DOCK4: variants seen among roughly 807,000 people sequenced by gnomAD.
DOCK4 encodes the protein dedicator of cytokinesis protein 4.
DOCK4 carries 97 observed loss-of-function variants against 268.1 expected under a neutral mutation model. That is an observed-to-expected ratio of 0.36 (90% CI 0.31 to 0.43). The LOEUF (loss-of-function observed/expected upper bound fraction) is 0.43. Among genes scored for constraint, DOCK4 ranks in the 20% least tolerant of loss-of-function variants. DOCK4 has a pLI of 1.00. For missense variants in DOCK4, 2,145 were observed against 2,455.7 expected (o/e 0.87, Z 2.67); for synonymous variants, 954 against 887.2 (o/e 1.08, Z -1.34).
At chr7:111,917,066 C>A (rs13239644) in intron 12 of DOCK4, among the ~76,000 whole-genome samples, 2 of 145,012 alleles carry the variant, frequency 1.4e-5, no homozygotes, top group South Asian at 4.4e-4. Flanking sequence ...TGGCTCACTG[C>A]AACCTCCGCC....
intron 36 of DOCK4, among the ~76,000 whole-genome samples, chr7:111,774,339 G>A (rs771744459): frequency 1.5e-4 from 23 of 151,998 alleles, no homozygotes; most frequent in Non-Finnish European, 3.4e-4. Context: ...ATGGTGGCAG[G>A]CACCTGTAAT....
At chr7:111,785,511 A>G (rs1799104203) in intron 32 of DOCK4, among the ~76,000 whole-genome samples, 1 of 152,190 alleles carries the variant, frequency 6.6e-6, no homozygotes, top group Admixed American at 6.5e-5. Flanking sequence ...AGTAAGAGCT[A>G]CATAATCCTC....
intron 8 of DOCK4, among the ~76,000 whole-genome samples, chr7:111,969,077 G>A (rs972761301): frequency 2.0e-5 from 2 of 98,478 alleles, no homozygotes; most frequent in Non-Finnish European, 3.9e-5. Context: ...GGGGGAGGGG[G>A]GAGGGATAGC....
chr7:111,872,678 C>CA, intron 17 of DOCK4, 114 bp from the exon 18 acceptor site: 1 of 788,034 alleles, frequency 1.3e-6, no homozygotes, highest in South Asian at 2.0e-5. Context: ...CTCTCCTAGC[C>CA]ACTCAAGTTG....
intron 1 of DOCK4, among the ~76,000 whole-genome samples, chr7:112,076,303 G>A (rs1808064203): frequency 6.6e-6 from 1 of 151,944 alleles, no homozygotes; most frequent in Non-Finnish European, 1.5e-5. Flanking sequence ...AATTGGGGGG[G>A]TTCTTAAAAT....
chr7:111,901,332 CAAAAAAAAAAAAAAAA>C (rs398047987), intron 14 of DOCK4, among the ~76,000 whole-genome samples: 2 of 75,242 alleles, frequency 2.7e-5, no homozygotes, highest in African/African-American at 9.7e-5. Context: ...GATTCTGTCT[CAAAAAAAAAAAAAAAA>C]AAAAAAAGCT....
At chr7:112,024,463 C>A (rs1802601096) in intron 1 of DOCK4, among the ~76,000 whole-genome samples, 2 of 152,158 alleles carry the variant, frequency 1.3e-5, no homozygotes, top group South Asian at 4.2e-4. Context: ...CCAATGCATT[C>A]CCGGCTGCTC....
intron 30 of DOCK4, among the ~76,000 whole-genome samples, chr7:111,799,631 A>C (rs1437851507): frequency 6.6e-6 from 1 of 152,238 alleles, no homozygotes; most frequent in Non-Finnish European, 1.5e-5. Context: ...GTGAAGAAAC[A>C]GAAAATCTTA....
At chr7:112,019,144 T>A (rs1802104242) in intron 1 of DOCK4, among the ~76,000 whole-genome samples, 1 of 152,228 alleles carries the variant, frequency 6.6e-6, no homozygotes, top group Non-Finnish European at 1.5e-5. Context: ...TATTTCATTT[T>A]TTGGAAGACA....
chr7:111,835,203 C>T (rs1269534032), intron 25 of DOCK4, among the ~76,000 whole-genome samples: 2 of 152,162 alleles, frequency 1.3e-5, no homozygotes, highest in Non-Finnish European at 2.9e-5. Flanking sequence ...CTCCAAAGCC[C>T]TTCCTGTAGC....
At chr7:111,981,888 A>G (rs576730894) in intron 7 of DOCK4, among the ~76,000 whole-genome samples, 2 of 152,340 alleles carry the variant, frequency 1.3e-5, no homozygotes, top group African/African-American at 4.8e-5. Flanking sequence ...ATGCTGAAAG[A>G]GGTGAAATCA....
chr7:112,087,845 T>C (rs1216467071), intron 1 of DOCK4, among the ~76,000 whole-genome samples: 1 of 152,072 alleles, frequency 6.6e-6, no homozygotes, highest in Non-Finnish European at 1.5e-5. Context: ...AGACACATCG[T>C]GAATGAAATA....
chr7:112,202,523 C>T (rs538649730), intron 1 of DOCK4, among the ~76,000 whole-genome samples: 149 of 53,010 alleles, frequency 2.8e-3, no homozygotes, highest in African/African-American at 7.4e-3. Flanking sequence ...TGTTAATAGC[C>T]TGATTAATCA....
rs1353783071 is a variant in DOCK4, at chr7:111,976,223, C to CGT, written c.701+907_701+908dup. ...ACGCACATATGTGTGTGTGTGTGTG[C>CGT]GTGTGTGTGTATATATATGTGTATA... On this transcript the variant is annotated intron_variant, in intron 8 of 52. Coordinates refer to ENST00000428084, the MANE Select transcript of DOCK4 (RefSeq NM_001363540.2). 1.0e-4 allele frequency among the ~76,000 whole-genome samples: 5 copies of CGT among 48,006 alleles called. 1 individual carries two copies. The highest frequency in any genetic ancestry group is 4.5e-4 in the African/African-American group (5 of 11,016). The allele number at this position is 48,006 out of a possible 152,430, so 31.5% of individuals were successfully genotyped here.
At chr7:112,059,787 C>T (rs913225995) in intron 1 of DOCK4, among the ~76,000 whole-genome samples, 1 of 152,088 alleles carries the variant, frequency 6.6e-6, no homozygotes, top group Non-Finnish European at 1.5e-5. Flanking sequence ...AGACATTTTC[C>T]AATAGCTTTG....
intron 8 of DOCK4, among the ~76,000 whole-genome samples, chr7:111,955,489 A>T (rs930164769): frequency 3.3e-5 from 5 of 152,190 alleles, no homozygotes; most frequent in Middle Eastern, 3.2e-3. Context: ...ACAACAGGAG[A>T]CATATTTTTA....
intron 12 of DOCK4, among the ~76,000 whole-genome samples, chr7:111,926,575 C>G (rs1349034199): frequency 7.9e-6 from 1 of 126,128 alleles, no homozygotes; most frequent in Non-Finnish European, 1.7e-5. Context: ...GCAGGGCGGG[C>G]GGGCAAGGCG....
intron 14 of DOCK4, 62 bp from the exon 15 acceptor site, chr7:111,900,598 A>G: frequency 1.3e-6 from 2 of 1,531,588 alleles, no homozygotes; most frequent in Non-Finnish European, 8.8e-7. Context: ...TTGAAAAGGC[A>G]GAGCAATCAC....
At chr7:112,145,243 T>C (rs762836314) in intron 1 of DOCK4, among the ~76,000 whole-genome samples, 8 of 152,192 alleles carry the variant, frequency 5.3e-5, no homozygotes, top group Non-Finnish European at 1.0e-4. Flanking sequence ...GGATATTTTA[T>C]AGGCATAAGT....
Sources: gnomAD v4.1 joint callset for allele counts (sites outside exome capture counted in the v4.1 genomes callset) on GRCh38, gnomAD v4.1.1 for gene constraint, MANE v1.5 for transcripts, NCBI Gene and HGNC (gene_info 2026-07-23, HGNC 2026-07-21) for gene names.